The following N4BP2 variants were observed in gnomAD, a reference collection of about 807,000 sequenced individuals.
N4BP2 encodes NEDD4 binding protein 2, also known as NEDD4-binding protein 2.
N4BP2 carries 91 observed loss-of-function variants against 152.8 expected under a neutral mutation model. The observed-to-expected ratio is 0.60, with a 90% CI of 0.50 to 0.71. The LOEUF is 0.71. Among genes scored for constraint, N4BP2 ranks in the 30% least tolerant of loss-of-function variants. The pLI, the probability that N4BP2 is intolerant of heterozygous loss-of-function variation, is 0.00. For missense variants in N4BP2, 1,923 were observed against 2,059.1 expected, an observed-to-expected ratio of 0.93 and a Z score of 1.28; for synonymous variants, 646 against 705.3, an observed-to-expected ratio of 0.92 and a Z score of 1.33.
At chr4:40,171,618 G>C in the N4BP2 span, among the ~76,000 whole-genome samples, 2 of 152,060 alleles carry the variant, frequency 1.3e-5, no homozygotes, top group Non-Finnish European at 2.9e-5. Context: ...GATTAGTCAG[G>C]GTTCTCTAGA....
At position 40,156,840 on chromosome 4, in the gene N4BP2, C is replaced by T. The variant is rs1369316516; in HGVS notation, c.*2603C>T. Reference sequence around the variant, plus strand: ...ATTTTACATTTGTAGGTTAGCGATACTCAACAAGTAAATATAATGCACATG... The same window carrying T: ...ATTTTACATTTGTAGGTTAGCGATATTCAACAAGTAAATATAATGCACATG... On this transcript the variant is annotated 3_prime_UTR_variant, in exon 18 of 18. Transcript: ENST00000261435. The T allele has an allele frequency of 6.6e-6, 1 of 152,092 alleles. No individual in the cohort carries two copies. Among genetic ancestry groups the T allele is most frequent in the Non-Finnish European group, 1.5e-5 (1 of 67,976 alleles). 9.4% of individuals were successfully genotyped at this position (152,092 alleles called of 1,614,324 possible). A position where few individuals can be genotyped will look rare whatever the true frequency, so the allele number is the denominator to read the frequency against.
At chr4:40,090,324 G>T (rs753882734) in intron 2 of N4BP2, among the ~76,000 whole-genome samples, 5 of 152,022 alleles carry the variant, frequency 3.3e-5, no homozygotes, top group Non-Finnish European at 7.4e-5. Context: ...ATCTTGCTTG[G>T]GTTCTGGTAG....
the N4BP2 span, among the ~76,000 whole-genome samples, chr4:40,188,400 T>C: frequency 6.6e-6 from 1 of 152,218 alleles, no homozygotes; most frequent in East Asian, 1.9e-4. Flanking sequence ...GAGATAACAG[T>C]GGTACCTACC....
intron 2 of N4BP2, among the ~76,000 whole-genome samples, chr4:40,094,883 T>A (rs1714964976): frequency 6.6e-6 from 1 of 151,080 alleles, no homozygotes; most frequent in African/African-American, 2.4e-5. Flanking sequence ...CACCTCTGTC[T>A]CCTGGGTTCA....
chr4:40,128,890 T>C (rs1213393819), intron 12 of N4BP2, among the ~76,000 whole-genome samples: 2 of 152,102 alleles, frequency 1.3e-5, no homozygotes, highest in African/African-American at 4.8e-5. Context: ...GCTTAAATGG[T>C]GTGATACTTT....
the N4BP2 span, among the ~76,000 whole-genome samples, chr4:40,163,343 C>G: frequency 3.7e-4 from 56 of 152,322 alleles, no homozygotes; most frequent in Non-Finnish European, 6.9e-4. Flanking sequence ...TCTATTACAG[C>G]TCTTTTTGTT....
rs989385027 is a variant in N4BP2, at chr4:40,130,401, T to A, written c.4528-1400T>A. On this transcript the variant is annotated intron_variant, in intron 12 of 17. Coordinates refer to ENST00000261435, the MANE Select transcript of N4BP2 (RefSeq NM_018177.6). The stretch of plus-strand genomic sequence containing the variant: ...TGTATGTTCAGCTTTATCACTCCTT[T>A]TTAGTCATATTGTTACCTCTTGTGG... Among the ~76,000 whole-genome samples, 10 of 152,218 alleles carry A rather than the reference T, an allele frequency of 6.6e-5. 1 individual carries two copies. Among genetic ancestry groups the A allele is most frequent in the South Asian group, 2.1e-4 (1 of 4,834 alleles).
At position 40,152,785 on chromosome 4, in the gene N4BP2, A is replaced by C. The variant is rs773310496; in HGVS notation, c.5149A>C (p.Lys1717Gln). Residue 1717 changes from lysine to glutamine, a missense_variant, in exon 17 of 18, where the codon AAG becomes CAG. Lys to Gln is a moderately conservative substitution (Grantham distance 53). Transcript: ENST00000261435. Reference protein sequence around the residue: ...RVLEKKTEEFKQNGGKPYLSV... With the variant: ...RVLEKKTEEFQQNGGKPYLSV... ...CCTGATTTCTGTTGTAACAGAATTT[A>C]AGCAGAACGGTGGGAAGCCCTATTT... 6.2e-7 allele frequency: 1 copy of C among 1,613,970 alleles called. No homozygotes were observed. The highest frequency in any genetic ancestry group is 8.5e-7 in the Non-Finnish European group (1 of 1,179,922).
chr4:40,077,042 T>C (rs1481690337), intron 2 of N4BP2, among the ~76,000 whole-genome samples: 1 of 152,110 alleles, frequency 6.6e-6, no homozygotes, highest in Non-Finnish European at 1.5e-5. Flanking sequence ...GTTTGTTTCT[T>C]TTTTGATGGT....
At chr4:40,094,769 C>G (rs775612013) in intron 2 of N4BP2, among the ~76,000 whole-genome samples, 15 of 151,508 alleles carry the variant, frequency 9.9e-5, no homozygotes, top group Non-Finnish European at 1.8e-4. Flanking sequence ...TCAGGCTGGT[C>G]TCAAACTCCT....
chr4:40,120,155 C>A lies in N4BP2; in HGVS notation c.2044C>A (p.His682Asn), dbSNP rs201460114. Residue 682 changes from histidine (H) to asparagine (N), a missense_variant, in exon 9 of 18, where the codon CAC becomes AAC. Coordinates refer to ENST00000261435, the MANE Select transcript of N4BP2 (RefSeq NM_018177.6). ...AAGTGCTTTAATTCTGGAAACTCCACACATGTATTTTTCTGACTCTGAAAG... is the reference window on the plus strand; with the variant it reads ...AAGTGCTTTAATTCTGGAAACTCCAAACATGTATTTTTCTGACTCTGAAAG... ...IQSALILETP[H>N]MYFSDSESKL... 6.2e-7 allele frequency: 1 copy of A among 1,613,144 alleles called. No homozygotes were observed. Among genetic ancestry groups the A allele is most frequent in the Non-Finnish European group, 8.5e-7 (1 of 1,179,732 alleles).
At position 40,121,892 on chromosome 4, in the gene N4BP2, G is replaced by A. The variant is rs769876320; in HGVS notation, c.3781G>A (p.Asp1261Asn). The A allele has an allele frequency of 1.2e-6, 2 of 1,604,316 alleles. No homozygotes were observed. Among genetic ancestry groups the A allele is most frequent in the South Asian group, 2.2e-5 (2 of 89,898 alleles). ...TATTCTAAAAGCTACTACTCCTAAA[G>A]ATATGAGTGAAACAGAAAAAAACCT... is the stretch of plus-strand genomic sequence containing the variant. ...PGILKATTPK[D>N]MSETEKNLVV... The change falls in exon 9 of 18, where the codon GAT (aspartate) becomes AAT (asparagine). Residue 1261 changes from aspartate to asparagine, a missense_variant. Physicochemically the swap from Asp to Asn is conservative, Grantham distance 23 (BLOSUM62 1). Coordinates refer to ENST00000261435, the MANE Select transcript of N4BP2 (RefSeq NM_018177.6).
intron 2 of N4BP2, among the ~76,000 whole-genome samples, chr4:40,087,131 A>G (rs989971078): frequency 1.3e-5 from 2 of 152,072 alleles, no homozygotes; most frequent in Admixed American, 6.6e-5. Context: ...ATTGGGTTCA[A>G]TGTTCTATAG....
chr4:40,157,925 T>C lies in N4BP2; in HGVS notation c.*3688T>C, dbSNP rs1017957372. 15 of 152,206 alleles carry C rather than the reference T, an allele frequency of 9.9e-5. No homozygotes were observed. The highest frequency in any genetic ancestry group is 3.4e-4 in the African/African-American group (14 of 41,450). 9.4% of individuals were successfully genotyped at this position (152,206 alleles called of 1,614,324 possible). On this transcript the variant is annotated 3_prime_UTR_variant, in exon 18 of 18. Coordinates refer to ENST00000261435, the MANE Select transcript of N4BP2 (RefSeq NM_018177.6). Reference sequence around the variant, plus strand: ...CTGAAGAGCCGTTTATAACTTCATATTATATGATGACAAAGTTCATTATTT... The same window carrying C: ...CTGAAGAGCCGTTTATAACTTCATACTATATGATGACAAAGTTCATTATTT...
chr4:40,142,783 G>A lies in N4BP2; in HGVS notation c.4896G>A (p.Lys1632=). The A allele has an allele frequency of 6.2e-7, 1 of 1,614,168 alleles. No homozygotes were observed. The highest frequency in any genetic ancestry group is 2.2e-5 in the East Asian group (1 of 44,872). Reference sequence around the variant, plus strand: ...CAGAGGCTTTCCTTCACCAACAGAAGAGGATGGAGTGCTACAGCAAGGCCA... The same window carrying A: ...CAGAGGCTTTCCTTCACCAACAGAAAAGGATGGAGTGCTACAGCAAGGCCA... The part of the protein sequence containing the change: ...YRAEAFLHQQ[K]RMECYSKAKE... Residue 1632 remains lysine, a synonymous_variant, in exon 15 of 18, where the codon AAG becomes AAA. Transcript: ENST00000261435.
At chr4:40,143,070 G>A (rs1286478797) in intron 15 of N4BP2, among the ~76,000 whole-genome samples, 2 of 152,112 alleles carry the variant, frequency 1.3e-5, no homozygotes, top group African/African-American at 4.8e-5. Flanking sequence ...CTCAGTTTCT[G>A]TGGTTGCTTT....
At chr4:40,129,674 T>C (rs1718741451) in intron 12 of N4BP2, among the ~76,000 whole-genome samples, 1 of 152,186 alleles carries the variant, frequency 6.6e-6, no homozygotes, top group Admixed American at 6.5e-5. Context: ...TCTTGCAGTG[T>C]TGCCCAGGCT....
intron 1 of N4BP2, among the ~76,000 whole-genome samples, chr4:40,057,754 T>C (rs960307337): frequency 7.9e-5 from 12 of 151,170 alleles, no homozygotes; most frequent in African/African-American, 2.7e-4. Flanking sequence ...TTATCTCTCA[T>C]GCGCTTTTGG....
At chr4:40,094,248 T>C (rs1327161778) in intron 2 of N4BP2, among the ~76,000 whole-genome samples, 1 of 152,192 alleles carries the variant, frequency 6.6e-6, no homozygotes, top group Non-Finnish European at 1.5e-5. Context: ...TGTGGTTTGG[T>C]TTTAGCTTAG....
Sources: allele counts gnomAD v4.1 joint callset (sites outside exome capture counted in the v4.1 genomes callset), GRCh38; gene constraint gnomAD v4.1.1; transcripts MANE v1.5; gene names NCBI Gene and HGNC (gene_info 2026-07-23, HGNC 2026-07-21).